The following CCSER1 variants were observed in gnomAD, a reference collection of about 807,000 sequenced individuals.
CCSER1 encodes serine-rich coiled-coil domain-containing protein 1.
In CCSER1, 41 loss-of-function variants were observed where a neutral mutation model predicts 82.0. The observed-to-expected ratio is 0.50, with a 90% CI of 0.39 to 0.65. CCSER1 has a LOEUF of 0.65. Among genes scored for constraint, CCSER1 ranks in the 30% least tolerant of loss-of-function variants. The pLI, the probability that CCSER1 is intolerant of heterozygous loss-of-function variation, is 0.00. For synonymous variants in CCSER1, 414 were observed against 383.9 expected (o/e 1.08, Z -0.92); for missense variants, 1,119 against 1,064.2 (o/e 1.05, Z -0.72).
rs1764889114 is a variant in CCSER1, at chr4:91,603,699, A to C, written c.*4642A>C. 3 of 152,006 alleles carry C rather than the reference A, an allele frequency of 2.0e-5. No individual in the cohort carries two copies. Among genetic ancestry groups the C allele is most frequent in the Admixed American group, 2.0e-4 (3 of 15,244 alleles). The allele number at this position is 152,006 out of a possible 1,614,324, so 9.4% of individuals were successfully genotyped here. A position where few individuals can be genotyped will look rare whatever the true frequency, so the allele number is the denominator to read the frequency against. ...ACATCTTTCATTCTTTCCAAACATT[A>C]CCTCTTTAGTAAATTCGGGTTGCTA... On this transcript the variant is annotated 3_prime_UTR_variant, in exon 11 of 11. Coordinates refer to ENST00000509176, the MANE Select transcript of CCSER1 (RefSeq NM_001145065.2).
intron 10 of CCSER1, among the ~76,000 whole-genome samples, chr4:91,453,619 C>G (rs1755983401): frequency 3.3e-5 from 5 of 151,882 alleles, no homozygotes. Flanking sequence ...CTATCTATTC[C>G]CGATAAATTG....
chr4:90,491,651 G>A (rs905638893), intron 5 of CCSER1, among the ~76,000 whole-genome samples: 1 of 152,078 alleles, frequency 6.6e-6, no homozygotes, highest in African/African-American at 2.4e-5. Flanking sequence ...TTGGCTCTGG[G>A]TTTGCCATAA....
At chr4:91,569,182 G>C (rs1466244737) in intron 10 of CCSER1, among the ~76,000 whole-genome samples, 1 of 152,152 alleles carries the variant, frequency 6.6e-6, no homozygotes, top group Non-Finnish European at 1.5e-5. Context: ...TGTTGAGTTG[G>C]TAGACCCTTG....
At chr4:90,839,300 A>G (rs1464486711) in intron 8 of CCSER1, among the ~76,000 whole-genome samples, 3 of 152,246 alleles carry the variant, frequency 2.0e-5, no homozygotes, top group Admixed American at 6.5e-5. Context: ...AGATAAGTTT[A>G]TCAAACGTGT....
At chr4:91,108,824 G>A (rs1051162592) in intron 10 of CCSER1, among the ~76,000 whole-genome samples, 3 of 152,306 alleles carry the variant, frequency 2.0e-5, no homozygotes, top group Middle Eastern at 3.4e-3. Context: ...CAAGGAATAC[G>A]AAGATAGCTG....
At position 91,604,947 on chromosome 4, in the gene CCSER1, A is replaced by T. The variant is rs1334087775; in HGVS notation, c.*5890A>T. The T allele has an allele frequency of 6.6e-6, 1 of 151,636 alleles. No homozygotes were observed. Among genetic ancestry groups the T allele is most frequent in the African/African-American group, 2.4e-5 (1 of 41,312 alleles). 9.4% of individuals were successfully genotyped at this position (151,636 alleles called of 1,614,324 possible). A position where few individuals can be genotyped will look rare whatever the true frequency, so the allele number is the denominator to read the frequency against. ...CAAGAGAATTGATTATCTTAGTTAGACCCCATTTTTAAGGAAAAAATACAC... is the reference window on the plus strand; with the variant it reads ...CAAGAGAATTGATTATCTTAGTTAGTCCCCATTTTTAAGGAAAAAATACAC... On this transcript the variant is annotated 3_prime_UTR_variant, in exon 11 of 11. Coordinates refer to ENST00000509176, the MANE Select transcript of CCSER1 (RefSeq NM_001145065.2).
At chr4:90,729,862 C>T (rs890327488) in intron 7 of CCSER1, among the ~76,000 whole-genome samples, 8 of 151,588 alleles carry the variant, frequency 5.3e-5, no homozygotes, top group Admixed American at 1.3e-4. Flanking sequence ...GGCTACAGAC[C>T]GAGACTCCAT....
chr4:91,037,566 A>G (rs1297277922), intron 9 of CCSER1, among the ~76,000 whole-genome samples: 2 of 141,390 alleles, frequency 1.4e-5, no homozygotes, highest in African/African-American at 5.1e-5. Flanking sequence ...GCACCTTGTT[A>G]TAGATATTTC....
At chr4:90,304,398 C>G (rs1733809309) in intron 1 of CCSER1, among the ~76,000 whole-genome samples, 1 of 152,168 alleles carries the variant, frequency 6.6e-6, no homozygotes, top group Non-Finnish European at 1.5e-5. Context: ...GGAACCAACC[C>G]AAATGTCCAT....
At chr4:90,350,436 T>G (rs1157832739) in intron 3 of CCSER1, among the ~76,000 whole-genome samples, 1 of 152,060 alleles carries the variant, frequency 6.6e-6, no homozygotes, top group Non-Finnish European at 1.5e-5. Context: ...GCTAAAGTAA[T>G]TGGACAAGAT....
chr4:91,164,867 G>T (rs1731860103), intron 10 of CCSER1, among the ~76,000 whole-genome samples: 1 of 152,102 alleles, frequency 6.6e-6, no homozygotes, highest in African/African-American at 2.4e-5. Flanking sequence ...CTTTGCAATG[G>T]GTTCAAACGT....
chr4:90,480,554 A>AT (rs1203010616), intron 5 of CCSER1, among the ~76,000 whole-genome samples: 2 of 152,152 alleles, frequency 1.3e-5, no homozygotes, highest in African/African-American at 4.8e-5. Context: ...TAATTTTTGT[A>AT]TAAGGTGTAA....
intron 6 of CCSER1, among the ~76,000 whole-genome samples, chr4:90,659,818 A>G (rs1730425759): frequency 6.6e-6 from 1 of 152,094 alleles, no homozygotes. Flanking sequence ...TTTGCTTGGG[A>G]TTCTGACTGG....
intron 10 of CCSER1, among the ~76,000 whole-genome samples, chr4:91,136,020 C>T (rs983064343): frequency 6.6e-6 from 1 of 152,164 alleles, no homozygotes; most frequent in African/African-American, 2.4e-5. Context: ...TATTTATTGA[C>T]GTACAAAAGT....
intron 6 of CCSER1, among the ~76,000 whole-genome samples, chr4:90,661,374 A>G (rs1351988194): frequency 6.6e-6 from 1 of 152,178 alleles, no homozygotes; most frequent in African/African-American, 2.4e-5. Flanking sequence ...TCTGTGCTTC[A>G]GGAGTGTGCA....
At chr4:90,623,564 A>G (rs1722748901) in intron 5 of CCSER1, among the ~76,000 whole-genome samples, 1 of 152,212 alleles carries the variant, frequency 6.6e-6, no homozygotes, top group Non-Finnish European at 1.5e-5. Context: ...GCTTTTCCCC[A>G]TATCACAGGT....
At chr4:91,059,252 T>C (rs968662734) in intron 9 of CCSER1, among the ~76,000 whole-genome samples, 1 of 139,812 alleles carries the variant, frequency 7.2e-6, no homozygotes, top group African/African-American at 2.8e-5. Context: ...TTGTATATAA[T>C]AAAGTTTTTT....
intron 9 of CCSER1, among the ~76,000 whole-genome samples, chr4:90,940,550 T>G (rs1025597839): frequency 5.9e-5 from 9 of 152,124 alleles, no homozygotes; most frequent in South Asian, 2.1e-4. Flanking sequence ...GGGGATGTTG[T>G]TTTTGTTTTT....
At chr4:90,693,092 G>C (rs1436608950) in intron 6 of CCSER1, among the ~76,000 whole-genome samples, 1 of 151,888 alleles carries the variant, frequency 6.6e-6, no homozygotes, top group Non-Finnish European at 1.5e-5. Context: ...GGTAAGGATG[G>C]ACTCACTAAA....
Sources: gnomAD v4.1 joint callset for allele counts (sites outside exome capture counted in the v4.1 genomes callset) on GRCh38, gnomAD v4.1.1 for gene constraint, MANE v1.5 for transcripts, NCBI Gene and HGNC (gene_info 2026-07-23, HGNC 2026-07-21) for gene names.